Variants in CTBS observed in about 807,000 individuals in gnomAD.
CTBS encodes the protein di-N-acetylchitobiase.
A neutral mutation model predicts 44.3 loss-of-function variants in CTBS; 35 were observed. The observed-to-expected ratio is 0.79, with a 90% CI of 0.60 to 1.05. The LOEUF (loss-of-function observed/expected upper bound fraction) is 1.05. Among genes scored for constraint, CTBS ranks in the 50% least tolerant of loss-of-function variants. The pLI is 0.00. For missense variants in CTBS, 458 were observed against 475.3 expected (o/e 0.96, Z 0.34); for synonymous variants, 143 against 168.0 (o/e 0.85, Z 1.15).
intron 6 of CTBS, among the ~76,000 whole-genome samples, chr1:84,562,952 G>A (rs1224096350): frequency 6.6e-6 from 1 of 152,094 alleles, no homozygotes; most frequent in Non-Finnish European, 1.5e-5. Context: ...AAAATCAACA[G>A]TCATCCTAAC....
At position 84,564,781 on chromosome 1, in the gene CTBS, C is replaced by T. The variant is rs375481216; in HGVS notation, c.698-949G>A. 4.2e-3 allele frequency among the ~76,000 whole-genome samples: 635 copies of T among 152,260 alleles called. 1 individual carries two copies. The highest frequency in any genetic ancestry group is 7.3e-3 in the Admixed American group (111 of 15,290). On this transcript the variant is annotated intron_variant, in intron 4 of 6. Coordinates refer to ENST00000370630, the MANE Select transcript of CTBS (RefSeq NM_004388.3). ...AGGTATGTGGCTAGGCACAATGGCT[C>T]ATGCCTGTAATTGAAGCTCTCTGGG...
intron 3 of CTBS, among the ~76,000 whole-genome samples, chr1:84,568,309 GA>G (rs1684734362): frequency 6.6e-6 from 1 of 152,156 alleles, no homozygotes; most frequent in South Asian, 2.1e-4. Context: ...GAGAATGAAG[GA>G]AAAGTTTCTG....
At chr1:84,561,191 G>A (rs937785822) in intron 6 of CTBS, among the ~76,000 whole-genome samples, 2 of 152,144 alleles carry the variant, frequency 1.3e-5, no homozygotes, top group Non-Finnish European at 1.5e-5. Context: ...CATGGGAGGA[G>A]GTCAAAATAT....
chr1:84,555,135 G>A lies in CTBS; in HGVS notation c.1022C>T (p.Thr341Ile), dbSNP rs759385732. Residue 341 changes from threonine (T) to isoleucine (I), a missense_variant, in exon 7 of 7, where the codon ACA (threonine) becomes ATA (isoleucine). Thr to Ile is a moderately conservative substitution (Grantham distance 89). Coordinates refer to ENST00000370630, the MANE Select transcript of CTBS (RefSeq NM_004388.3). The stretch of plus-strand genomic sequence containing the variant: ...CCGTAAGCGATAGTTTTGTATATAT[G>A]TTGCCTTTAAAGAAATACTCTGAGG... The part of the protein sequence containing the change: ...DNPQSISLKA[T>I]YIQNYRLRGI... 2.5e-6 allele frequency: 4 copies of A among 1,613,832 alleles called. No homozygotes were observed. Among genetic ancestry groups the A allele is most frequent in the Admixed American group, 3.3e-5 (2 of 60,000 alleles).
At chr1:84,565,331 T>G (rs139809506) in intron 4 of CTBS, among the ~76,000 whole-genome samples, 3,225 of 152,276 alleles carry the variant, frequency 0.021, 63 homozygotes, top group Middle Eastern at 0.051. Flanking sequence ...AGGTCAAAAG[T>G]ACTCAAATTC....
chr1:84,561,655 G>A (rs1445578252), intron 6 of CTBS, among the ~76,000 whole-genome samples: 1 of 152,136 alleles, frequency 6.6e-6, no homozygotes, highest in Non-Finnish European at 1.5e-5. Context: ...CTTCACTGTT[G>A]TCTTATTTTA....
At position 84,552,945 on chromosome 1, in the gene CTBS, G is replaced by A. The variant is rs1256374930; in HGVS notation, c.*2054C>T. 1.0e-5 allele frequency: 8 copies of A among 781,970 alleles called. 1 individual carries two copies. Among genetic ancestry groups the A allele is most frequent in the South Asian group, 5.2e-5 (3 of 57,904 alleles). The allele number at this position is 781,970 out of a possible 1,614,324, so 48.4% of individuals were successfully genotyped here. ...CCAAATGAGAGAAGACAGTTAAAGC[G>A]GTTACAAAAACCCTGTTTACATGAC... On this transcript the variant is annotated 3_prime_UTR_variant, in exon 7 of 7. Transcript: ENST00000370630.
chr1:84,573,460 T>G (rs1647374180), intron 1 of CTBS, among the ~76,000 whole-genome samples: 1 of 152,272 alleles, frequency 6.6e-6, no homozygotes, highest in African/African-American at 2.4e-5. Flanking sequence ...TTCACCATTT[T>G]TATTTCTTCT....
At chr1:84,555,842 A>ATT (rs1485317058) in intron 6 of CTBS, 1 of 152,246 alleles carries the variant, frequency 6.6e-6, no homozygotes, top group African/African-American at 2.4e-5. Context: ...GTATGCAACC[A>ATT]AAGTTAAGGG....
At chr1:84,559,096 A>T (rs575261864) in intron 6 of CTBS, among the ~76,000 whole-genome samples, 1 of 152,088 alleles carries the variant, frequency 6.6e-6, no homozygotes, top group East Asian at 1.9e-4. Flanking sequence ...CAGACATTAA[A>T]TTTTTTGCAA....
chr1:84,562,912 T>C (rs371018241), intron 6 of CTBS, among the ~76,000 whole-genome samples: 3 of 152,182 alleles, frequency 2.0e-5, no homozygotes, highest in East Asian at 3.9e-4. Flanking sequence ...CTTTCAGAGA[T>C]AGTAACTTAT....
At chr1:84,562,235 ATATTTTGCACACATGTGCATCTGTGTGTG>A (rs1186484862) in intron 6 of CTBS, among the ~76,000 whole-genome samples, 1 of 152,208 alleles carries the variant, frequency 6.6e-6, no homozygotes, top group Non-Finnish European at 1.5e-5. Flanking sequence ...ACACGTGTGT[ATATTTTGCACACATGTGCATCTGTGTGTG>A]TAATATTAAC....
At chr1:84,567,138 T>C (rs567943700) in intron 3 of CTBS, among the ~76,000 whole-genome samples, 1 of 152,382 alleles carries the variant, frequency 6.6e-6, no homozygotes, top group Admixed American at 6.5e-5. Context: ...TTTTTATACT[T>C]TGAACAATTT....
At chr1:84,574,151 A>G in intron 1 of CTBS, 88 bp downstream of exon 1, 1 of 1,540,488 alleles carries the variant, frequency 6.5e-7, no homozygotes, top group Non-Finnish European at 8.8e-7. Flanking sequence ...TTCGGCGCCC[A>G]CGGCACCTCT....
At chr1:84,564,237 T>G (rs72950351) in intron 4 of CTBS, among the ~76,000 whole-genome samples, 3,164 of 152,300 alleles carry the variant, frequency 0.021, 102 homozygotes, top group African/African-American at 0.072. Context: ...CAGAGTTTCT[T>G]AGAAAGTACA....
rs758634923 is a variant in CTBS, at chr1:84,563,279, C to T, written c.935G>A (p.Arg312Gln). The T allele has an allele frequency of 2.0e-5, 32 of 1,563,488 alleles. No individual in the cohort carries two copies. In the Middle Eastern group the frequency reaches 5.6e-4, roughly 27 times the overall value. Residue 312 changes from arginine (R) to glutamine (Q), a missense_variant, in exon 6 of 7, where the codon CGG becomes CAG. Arg to Gln is a conservative substitution (Grantham distance 43, BLOSUM62 1). Coordinates refer to ENST00000370630, the MANE Select transcript of CTBS (RefSeq NM_004388.3). The part of the protein sequence containing the change: ...ISGNLWDKDQ[R>Q]APYYNYKDPA... ...TACTTTATAGTTATAATAAGGAGCC[C>T]GCTGATCTTTATCCCATAGGTTTCC...
At chr1:84,574,066 T>C (rs780931282) in intron 1 of CTBS, 173 bp downstream of exon 1, 2 of 1,445,480 alleles carry the variant, frequency 1.4e-6, no homozygotes, top group Non-Finnish European at 1.8e-6. Context: ...TCAACTTCTC[T>C]GAGCCCGAGC....
chr1:84,568,666 G>A (rs865967352), intron 3 of CTBS, among the ~76,000 whole-genome samples: 5 of 152,070 alleles, frequency 3.3e-5, no homozygotes, highest in African/African-American at 7.2e-5. Context: ...ATGTTGAATC[G>A]TAATCCCCAA....
At position 84,550,297 on chromosome 1, in the gene CTBS, GTTTAC is replaced by G. The variant is rs1684232062; in HGVS notation, c.*4697_*4701del. 1 of 432,952 alleles carries G rather than the reference GTTTAC, an allele frequency of 2.3e-6. No individual in the cohort carries two copies. The highest frequency in any genetic ancestry group is 2.1e-5 in the African/African-American group (1 of 48,544). The allele number at this position is 432,952 out of a possible 1,614,324, so 26.8% of individuals were successfully genotyped here. A position where few individuals can be genotyped will look rare whatever the true frequency, so the allele number is the denominator to read the frequency against. ...ATAGTAATTTCTCCAAAGCAATTTAGTTTACTTTACGGAATAGGTTATTTTCATGA... is the reference window on the plus strand; with the variant it reads ...ATAGTAATTTCTCCAAAGCAATTTAGTTTACGGAATAGGTTATTTTCATGA... On this transcript the variant is annotated 3_prime_UTR_variant, in exon 7 of 7. Transcript: ENST00000370630.
Sources: gnomAD v4.1 joint callset for allele counts (sites outside exome capture counted in the v4.1 genomes callset) on GRCh38, gnomAD v4.1.1 for gene constraint, MANE v1.5 for transcripts, NCBI Gene and HGNC (gene_info 2026-07-23, HGNC 2026-07-21) for gene names.